The following CNTN2 variants were observed in gnomAD, a reference collection of about 807,000 sequenced individuals.
The protein encoded by CNTN2 is contactin-2.
In CNTN2, 53 loss-of-function variants were observed where a neutral mutation model predicts 117.5. The ratio of observed to expected loss-of-function variants is 0.45; its 90% confidence interval spans 0.36 to 0.57. The LOEUF (loss-of-function observed/expected upper bound fraction) is 0.57. Ranked by LOEUF, CNTN2 falls within the 20% of genes least tolerant of loss-of-function variation. CNTN2 has a pLI of 0.00. For missense variants in CNTN2, 1,106 were observed against 1,404.3 expected (o/e 0.79, Z 3.39); for synonymous variants, 530 against 561.7 (o/e 0.94, Z 0.80).
Position 205,076,074 on chromosome 1 carries a change from C to T in CNTN2, c.*2309C>T, listed in dbSNP as rs1188906626. The T allele has an allele frequency of 6.6e-6, 1 of 152,120 alleles. No individual in the cohort carries two copies. 9.4% of individuals were successfully genotyped at this position (152,120 alleles called of 1,614,324 possible). ...AGCCACTAAACTTGCTTCAGGCCAA[C>T]GATAGTTACTCACAAGTAAGTACCT... On this transcript the variant is annotated 3_prime_UTR_variant, in exon 23 of 23. Transcript: ENST00000331830.
rs769264642 is a variant in CNTN2 at position 205,058,474 on chromosome 1, C to A, written c.392-94C>A. 6.5e-7 allele frequency: 1 copy of A among 1,544,264 alleles called. No homozygotes were observed. ...GGCCTTCCTGACCTCACATGACATG[C>A]CTTAGTGAACTGCTGCTTCTCCGTG... On this transcript the variant is annotated intron_variant, in intron 4 of 22. Transcript: ENST00000331830. This position sits in a 1 kb window ranked among gnomAD's most constrained non-coding sequence, Gnocchi z 4.3.
Position 205,073,857 on chromosome 1 carries a change from GC to G in CNTN2, c.*94del. 1 of 1,003,886 alleles carries G rather than the reference GC, an allele frequency of 1.0e-6. No homozygotes were observed. The highest frequency in any genetic ancestry group is 1.5e-6 in the Non-Finnish European group (1 of 655,286). 62.2% of individuals were successfully genotyped at this position (1,003,886 alleles called of 1,614,324 possible). On this transcript the variant is annotated 3_prime_UTR_variant, in exon 23 of 23. Coordinates refer to ENST00000331830, the MANE Select transcript of CNTN2 (RefSeq NM_005076.5). The surrounding 1 kb of genome is among the most constrained non-coding windows in gnomAD (Gnocchi z 6.3). ...TGCTGCCAAGGTGGCCTGACACTGTGCCAGAGAGTGGCTGGTTTTAAATACC... is the reference window on the plus strand; with the variant it reads ...TGCTGCCAAGGTGGCCTGACACTGTGCAGAGAGTGGCTGGTTTTAAATACC...
At chr1:205,053,552 A>G (rs1030654450) in intron 2 of CNTN2, among the ~76,000 whole-genome samples, 3 of 152,220 alleles carry the variant, frequency 2.0e-5, no homozygotes, top group Non-Finnish European at 2.9e-5. Flanking sequence ...TCTCCACAAT[A>G]TCACCCGGAG....
chr1:205,062,626 G>A, intron 10 of CNTN2, 57 bp downstream of exon 10: 3 of 1,564,380 alleles, frequency 1.9e-6, no homozygotes, highest in Middle Eastern at 1.7e-4. Flanking sequence ...GTGGCTTTCA[G>A]AGCTCTGAGT....
At position 205,073,864 on chromosome 1, in the gene CNTN2, A is replaced by G; in HGVS notation, c.*99A>G. The G allele has an allele frequency of 3.2e-6, 3 of 950,758 alleles. No individual in the cohort carries two copies. Among genetic ancestry groups the G allele is most frequent in the Non-Finnish European group, 4.9e-6 (3 of 610,950 alleles). The allele number at this position is 950,758 out of a possible 1,614,324, so 58.9% of individuals were successfully genotyped here. On this transcript the variant is annotated 3_prime_UTR_variant, in exon 23 of 23. Transcript: ENST00000331830. This position sits in a 1 kb window ranked among gnomAD's most constrained non-coding sequence, Gnocchi z 6.3. ...AAGGTGGCCTGACACTGTGCCAGAGAGTGGCTGGTTTTAAATACCTACTTT... is the reference window on the plus strand; with the variant it reads ...AAGGTGGCCTGACACTGTGCCAGAGGGTGGCTGGTTTTAAATACCTACTTT...
Position 205,071,963 on chromosome 1 carries a change from C to A in CNTN2, c.2561C>A (p.Ala854Asp). The A allele has an allele frequency of 6.2e-7, 1 of 1,612,128 alleles. No individual in the cohort carries two copies. The highest frequency in any genetic ancestry group is 8.5e-7 in the Non-Finnish European group (1 of 1,179,392). Residue 854 changes from alanine (A) to aspartate (D), a missense_variant, in exon 20 of 23, where the codon GCT becomes GAT. Coordinates refer to ENST00000331830, the MANE Select transcript of CNTN2 (RefSeq NM_005076.5). ...LLGYEIRYWK[A>D]GDKEAAADRV... ...CTCCTTCAGATCCGCTACTGGAAAG[C>A]TGGGGACAAAGAAGCAGCTGCGGAC...
At chr1:205,055,690 T>C (rs1321297086) in intron 2 of CNTN2, among the ~76,000 whole-genome samples, 1 of 152,116 alleles carries the variant, frequency 6.6e-6, no homozygotes, top group African/African-American at 2.4e-5. Flanking sequence ...AGAATGCTTG[T>C]GGTGGGGTCA....
chr1:205,071,052 G>A (rs907213873), intron 19 of CNTN2, among the ~76,000 whole-genome samples: 2 of 152,064 alleles, frequency 1.3e-5, no homozygotes, highest in African/African-American at 4.8e-5. Context: ...ACAGACCCTG[G>A]AGGCAGCCTT....
Position 205,067,259 on chromosome 1 carries a change from C to T in CNTN2, c.2125+9C>T. On this transcript the variant is annotated intron_variant, in intron 16 of 22. Transcript: ENST00000331830. ...CCGGACCAGGGAAGCAGGTGAGAGT[C>T]CTGTGTGTCCCAAAAAGCTATCATC... 1 of 1,607,354 alleles carries T rather than the reference C, an allele frequency of 6.2e-7. No individual in the cohort carries two copies. The highest frequency in any genetic ancestry group is 8.5e-7 in the Non-Finnish European group (1 of 1,177,140).
In CNTN2 at chr1:205,076,960, C is replaced by T. The variant is rs977697546; in HGVS notation, c.*3195C>T. On this transcript the variant is annotated 3_prime_UTR_variant, in exon 23 of 23. Transcript: ENST00000331830. ...ACTGAGGTTAAACATCAGAAAAAAACCTCTGGAATGACCTTCCTCATTCCA... is the reference window on the plus strand; with the variant it reads ...ACTGAGGTTAAACATCAGAAAAAAATCTCTGGAATGACCTTCCTCATTCCA... 2 of 152,058 alleles carry T rather than the reference C, an allele frequency of 1.3e-5. No homozygotes were observed. The highest frequency in any genetic ancestry group is 4.8e-5 in the African/African-American group (2 of 41,392). The allele number at this position is 152,058 out of a possible 1,614,324, so 9.4% of individuals were successfully genotyped here.
At chr1:205,072,712 G>C (rs1269851850) in intron 21 of CNTN2, 117 bp downstream of exon 21, 1 of 755,706 alleles carries the variant, frequency 1.3e-6, no homozygotes, top group African/African-American at 1.8e-5. Flanking sequence ...TAAGCAAAGG[G>C]TTTGTGACTG....
At chr1:205,072,984 C>A in intron 21 of CNTN2, 84 bp from the exon 22 acceptor site, 2 of 1,462,652 alleles carry the variant, frequency 1.4e-6, no homozygotes, top group Non-Finnish European at 1.9e-6. Context: ...ACCATCGGGT[C>A]TCCTCCCAGT....
chr1:205,064,613 C>A lies in CNTN2; in HGVS notation c.1392-10C>A. The A allele has an allele frequency of 6.2e-7, 1 of 1,613,836 alleles. No individual in the cohort carries two copies. Among genetic ancestry groups the A allele is most frequent in the South Asian group, 1.1e-5 (1 of 91,016 alleles). Reference sequence around the variant, plus strand: ...CTGAGTTGGCCACATCTGCCTTGTCCTTGCCACAGAGTGACTGTAACTCCA... The same window carrying A: ...CTGAGTTGGCCACATCTGCCTTGTCATTGCCACAGAGTGACTGTAACTCCA... On this transcript the variant is annotated splice_polypyrimidine_tract_variant and intron_variant, in intron 11 of 22. Transcript: ENST00000331830.
Position 205,061,439 on chromosome 1 carries a change from C to T in CNTN2, c.973+19C>T. 2 of 1,569,182 alleles carry T rather than the reference C, an allele frequency of 1.3e-6. No homozygotes were observed. Among genetic ancestry groups the T allele is most frequent in the Non-Finnish European group, 1.7e-6 (2 of 1,152,092 alleles). On this transcript the variant is annotated intron_variant, in intron 8 of 22. Coordinates refer to ENST00000331830, the MANE Select transcript of CNTN2 (RefSeq NM_005076.5). This position sits in a 1 kb window ranked among gnomAD's most constrained non-coding sequence, Gnocchi z 4.8. ...GTGCAGGGTACAGAGCCAGGGACAC[C>T]TTCTCCGCCCCTCCCGACCCCCCTT...
rs547015495 is a variant in CNTN2, at chr1:205,051,676, C to T, written c.-86-1424C>T. On this transcript the variant is annotated intron_variant, in intron 1 of 22. Transcript: ENST00000331830. ...GCTTCCTTGGCCATATCCTTCCTGA[C>T]GGGCCCTGGGGACAACTCTCCCTTC... is the stretch of plus-strand genomic sequence containing the variant. Among the ~76,000 whole-genome samples, 61 of 152,278 alleles carry T rather than the reference C, an allele frequency of 4.0e-4. 1 individual carries two copies. The highest frequency in any genetic ancestry group is 3.6e-3 in the Admixed American group (55 of 15,302).
intron 1 of CNTN2, among the ~76,000 whole-genome samples, chr1:205,043,622 T>C (rs2096435937): frequency 6.6e-6 from 1 of 152,152 alleles, no homozygotes; most frequent in Middle Eastern, 3.2e-3. Flanking sequence ...CGCAGGGCTC[T>C]CTCAGGCCGA....
At chr1:205,060,120 A>T in intron 7 of CNTN2, 1 of 179,626 alleles carries the variant, frequency 5.6e-6, no homozygotes, top group South Asian at 1.3e-4. Context: ...GGATTAAATC[A>T]GTTCATATAT....
At chr1:205,062,089 C>T in intron 9 of CNTN2, 88 bp downstream of exon 9, 1 of 1,498,508 alleles carries the variant, frequency 6.7e-7, no homozygotes. Flanking sequence ...CCCTGCACCA[C>T]TAGTAGCCCC....
chr1:205,062,235 G>A (rs538493126), intron 9 of CNTN2: 2 of 829,630 alleles, frequency 2.4e-6, no homozygotes, highest in Non-Finnish European at 3.6e-6. Context: ...GTCCTGACTG[G>A]GTCACCTCAC....
Sources: gnomAD v4.1 joint callset for allele counts (sites outside exome capture counted in the v4.1 genomes callset) on GRCh38, gnomAD v4.1.1 for gene constraint, Gnocchi (gnomAD v3.1) non-coding constraint, MANE v1.5 for transcripts, NCBI Gene and HGNC (gene_info 2026-07-23, HGNC 2026-07-21) for gene names.